Variants in DOCK8 observed in about 807,000 individuals in gnomAD.
DOCK8 encodes the protein dedicator of cytokinesis 8, also known as dedicator of cytokinesis protein 8.
A neutral mutation model predicts 245.6 loss-of-function variants in DOCK8; 141 were observed. The observed-to-expected ratio is 0.57, with a 90% CI of 0.50 to 0.66. DOCK8 has a LOEUF of 0.66. Ranked by LOEUF, DOCK8 falls within the 30% of genes least tolerant of loss-of-function variation. The probability of loss-of-function intolerance (pLI) is 0.00; values close to 1 mark genes in which losing one functional copy is unlikely to be tolerated. For missense variants in DOCK8, 2,965 were observed against 2,603.4 expected (o/e 1.14, Z -3.02); for synonymous variants, 1,168 against 970.2 (o/e 1.20, Z -3.79).
chr9:306,460 A>G (rs2049833052), intron 5 of DOCK8, among the ~76,000 whole-genome samples: 1 of 152,254 alleles, frequency 6.6e-6, no homozygotes, highest in Non-Finnish European at 1.5e-5. Flanking sequence ...TTAGTCAGAT[A>G]GAAGCCACGG....
chr9:243,239 A>G (rs939243721), intron 1 of DOCK8, among the ~76,000 whole-genome samples: 4 of 152,170 alleles, frequency 2.6e-5, no homozygotes, highest in African/African-American at 4.8e-5. Context: ...GGTGACCTTT[A>G]TATGTTTCTT....
At chr9:274,481 C>CT (rs1358593193) in intron 2 of DOCK8, among the ~76,000 whole-genome samples, 1 of 119,236 alleles carries the variant, frequency 8.4e-6, no homozygotes, top group East Asian at 2.8e-4. Flanking sequence ...TTTTTCTTTT[C>CT]TTTCTTTTCT....
At position 396,949 on chromosome 9, in the gene DOCK8, C is replaced by T. The variant is rs778958521; in HGVS notation, c.3120+15C>T. The T allele has an allele frequency of 2.5e-6, 4 of 1,612,382 alleles. No homozygotes were observed. The highest frequency in any genetic ancestry group is 4.5e-5 in the East Asian group (2 of 44,890). The stretch of plus-strand genomic sequence containing the variant: ...AACCACAGAAGGTAACTGTATTTTA[C>T]TCTTTATTTTCTAAATTGTTTACCT... On this transcript the variant is annotated intron_variant, in intron 25 of 47. Coordinates refer to ENST00000432829, the MANE Select transcript of DOCK8 (RefSeq NM_203447.4).
intron 30 of DOCK8, among the ~76,000 whole-genome samples, chr9:418,638 G>T (rs1037663979): frequency 1.3e-5 from 2 of 152,310 alleles, no homozygotes; most frequent in East Asian, 3.9e-4. Flanking sequence ...CATTTTGCTG[G>T]AAAGAATCAT....
chr9:423,095 G>A lies in DOCK8; in HGVS notation c.4241+960G>A, dbSNP rs955930569. Among the ~76,000 whole-genome samples the A allele has an allele frequency of 5.3e-5, 8 of 151,984 alleles. No individual in the cohort carries two copies. The South Asian group carries it at 1.5e-3, about 28-fold the overall frequency. Reference sequence around the variant, plus strand: ...ATATTAATTGCGGTTTTCTTTGGGTGCTGGGAATATCGGTAATTGATGTTT... The same window carrying A: ...ATATTAATTGCGGTTTTCTTTGGGTACTGGGAATATCGGTAATTGATGTTT... On this transcript the variant is annotated intron_variant, in intron 33 of 47. Coordinates refer to ENST00000432829, the MANE Select transcript of DOCK8 (RefSeq NM_203447.4).
chr9:306,895 C>T (rs1036741871), intron 5 of DOCK8, among the ~76,000 whole-genome samples: 1 of 152,160 alleles, frequency 6.6e-6, no homozygotes, highest in African/African-American at 2.4e-5. Flanking sequence ...TACTGCCCAG[C>T]TGGTGGTGTT....
At chr9:264,311 C>G (rs1408640624) in intron 1 of DOCK8, among the ~76,000 whole-genome samples, 1 of 152,220 alleles carries the variant, frequency 6.6e-6, no homozygotes, top group African/African-American at 2.4e-5. Flanking sequence ...CTTAAGTCAT[C>G]TAATAAACAT....
At chr9:443,351 T>C in intron 42 of DOCK8, 76 bp from the exon 43 acceptor site, 1 of 1,421,070 alleles carries the variant, frequency 7.0e-7, no homozygotes, top group Non-Finnish European at 9.9e-7. Context: ...GCTCCAAACT[T>C]ATTTCACTTC....
At chr9:441,012 G>A (rs939842701) in intron 40 of DOCK8, among the ~76,000 whole-genome samples, 2 of 152,144 alleles carry the variant, frequency 1.3e-5, no homozygotes, top group Non-Finnish European at 2.9e-5. Context: ...GGGATTACAG[G>A]CATGAGCCAC....
chr9:246,225 A>T (rs531246009), intron 1 of DOCK8, among the ~76,000 whole-genome samples: 2 of 152,204 alleles, frequency 1.3e-5, no homozygotes, highest in South Asian at 4.2e-4. Flanking sequence ...CTCAGAAAAA[A>T]AAAATGGGCA....
At chr9:361,949 A>G (rs904520540) in intron 14 of DOCK8, among the ~76,000 whole-genome samples, 5 of 152,218 alleles carry the variant, frequency 3.3e-5, no homozygotes, top group African/African-American at 1.2e-4. Context: ...TACACTGAGT[A>G]TTGGCCATTT....
At chr9:282,407 C>T (rs1290382144) in intron 2 of DOCK8, among the ~76,000 whole-genome samples, 5 of 134,424 alleles carry the variant, frequency 3.7e-5, no homozygotes, top group Non-Finnish European at 6.4e-5. Context: ...CTTTTTGTTT[C>T]GTTTTGTTTT....
intron 1 of DOCK8, among the ~76,000 whole-genome samples, chr9:254,732 C>T (rs1334713062): frequency 6.6e-6 from 1 of 152,152 alleles, no homozygotes; most frequent in African/African-American, 2.4e-5. Context: ...AAGTATGCAT[C>T]ACGACTTGAG....
intron 1 of DOCK8, among the ~76,000 whole-genome samples, chr9:240,761 T>G (rs2131411463): frequency 6.6e-6 from 1 of 152,258 alleles, no homozygotes; most frequent in Non-Finnish European, 1.5e-5. Context: ...AAGACCCTGC[T>G]TCCCTCATGA....
At chr9:318,008 A>G (rs570146232) in intron 7 of DOCK8, among the ~76,000 whole-genome samples, 1 of 152,074 alleles carries the variant, frequency 6.6e-6, no homozygotes, top group Admixed American at 6.5e-5. Flanking sequence ...ACATGTATTA[A>G]TTTTGTACTT....
intron 1 of DOCK8, among the ~76,000 whole-genome samples, chr9:252,004 T>TAG (rs1356542704): frequency 6.7e-6 from 1 of 149,952 alleles, no homozygotes; most frequent in Non-Finnish European, 1.5e-5. Context: ...GATGGAGTCT[T>TAG]GCTCTGTTGC....
At chr9:279,692 A>T (rs770006952) in intron 2 of DOCK8, among the ~76,000 whole-genome samples, 2 of 152,268 alleles carry the variant, frequency 1.3e-5, no homozygotes, top group Non-Finnish European at 2.9e-5. Flanking sequence ...ATTTGGCATC[A>T]TGAAGTCTTA....
intron 1 of DOCK8, among the ~76,000 whole-genome samples, chr9:257,130 C>T (rs2047796306): frequency 6.6e-6 from 1 of 152,158 alleles, no homozygotes; most frequent in African/African-American, 2.4e-5. Context: ...TGTTTCCATC[C>T]TCCAAACTAA....
At chr9:435,950 G>C (rs924708829) in intron 39 of DOCK8, among the ~76,000 whole-genome samples, 1 of 152,182 alleles carries the variant, frequency 6.6e-6, no homozygotes, top group South Asian at 2.1e-4. Context: ...CATTTACAAG[G>C]GTTTGTATTA....
Sources: gnomAD v4.1 joint callset for allele counts (sites outside exome capture counted in the v4.1 genomes callset) on GRCh38, gnomAD v4.1.1 for gene constraint, MANE v1.5 for transcripts, NCBI Gene and HGNC (gene_info 2026-07-23, HGNC 2026-07-21) for gene names.